CNIH3: variants seen among roughly 807,000 people sequenced by gnomAD.
CNIH3 encodes the protein protein cornichon homolog 3.
A neutral mutation model predicts 24.1 loss-of-function variants in CNIH3; 14 were observed. The observed-to-expected ratio is 0.58, with a 90% CI of 0.38 to 0.91. The LOEUF (loss-of-function observed/expected upper bound fraction) is 0.91, where lower values mean the gene tolerates loss of function less well. CNIH3 is among the 40% of genes least tolerant of loss of function. The pLI, the probability that CNIH3 is intolerant of heterozygous loss-of-function variation, is 0.00. For synonymous variants in CNIH3, 68 were observed against 73.8 expected, an observed-to-expected ratio of 0.92 and a Z score of 0.40; for missense variants, 178 against 196.8, an observed-to-expected ratio of 0.90 and a Z score of 0.57.
chr1:224,590,087 G>C (rs1681687331), downstream of CNIH3, among the ~76,000 whole-genome samples: 1 of 152,124 alleles, frequency 6.6e-6, no homozygotes, highest in African/African-American at 2.4e-5. Flanking sequence ...ATGTTGGCCA[G>C]GCTGGTCTCA....
chr1:224,456,358 G>A (rs12743200), intron 1 of CNIH3, among the ~76,000 whole-genome samples: 42,878 of 152,092 alleles, frequency 0.28, 7,492 homozygotes, highest in African/African-American at 0.49. Context: ...GTGGTCCAGG[G>A]AGCAGCCTAG....
chr1:224,527,075 G>A (rs534285263), intron 2 of CNIH3, among the ~76,000 whole-genome samples: 3 of 152,238 alleles, frequency 2.0e-5, no homozygotes, highest in East Asian at 1.9e-4. Flanking sequence ...ACAAATATCC[G>A]ACAATGTCAC....
chr1:224,671,732 C>T (rs1220717179), intron 1 of CNIH3, among the ~76,000 whole-genome samples: 1 of 152,236 alleles, frequency 6.6e-6, no homozygotes, highest in Non-Finnish European at 1.5e-5. Context: ...TCTGGCATTA[C>T]ACTTTTTAGA....
chr1:224,604,805 T>A lies in CNIH3; in HGVS notation n.402+38541T>A, dbSNP rs956321990. ...CCTGTGTTATAGCTTATACCCACATTTGGTGGTTCCTGAGCTCCTGTACTG... is the reference window on the plus strand; with the variant it reads ...CCTGTGTTATAGCTTATACCCACATATGGTGGTTCCTGAGCTCCTGTACTG... On this transcript the variant is annotated intron_variant and non_coding_transcript_variant, in intron 3 of 7. Transcript: ENST00000478120. The surrounding 1 kb of genome is among the most constrained non-coding windows in gnomAD (Gnocchi z 4.4). Among the ~76,000 whole-genome samples the A allele has an allele frequency of 3.9e-5, 6 of 152,096 alleles. No homozygotes were observed. The highest frequency in any genetic ancestry group is 1.4e-4 in the African/African-American group (6 of 41,418).
At chr1:224,623,439 C>T (rs867083697) in intron 1 of CNIH3, among the ~76,000 whole-genome samples, 13 of 152,220 alleles carry the variant, frequency 8.5e-5, no homozygotes, top group Middle Eastern at 3.4e-3. Context: ...GGGTCCCAGG[C>T]GGATGCACGG....
Position 224,704,196 on chromosome 1 carries a change from A to G in CNIH3, c.198+19353A>G, listed in dbSNP as rs576102834. ...GCATCACCTACAGAGCAGGACCTCC[A>G]TGAGTCTCAGGTCATCAAAGAGGAG... On this transcript the variant is annotated intron_variant, in intron 3 of 5. Coordinates refer to ENST00000272133, the MANE Select transcript of CNIH3 (RefSeq NM_152495.2). The surrounding 1 kb of genome is among the most constrained non-coding windows in gnomAD (Gnocchi z 4.2). Among the ~76,000 whole-genome samples, 12 of 150,846 alleles carry G rather than the reference A, an allele frequency of 8.0e-5. No homozygotes were observed. In the South Asian group the frequency reaches 1.9e-3, roughly 23 times the overall value.
intron 3 of CNIH3, among the ~76,000 whole-genome samples, chr1:224,718,064 T>G (rs1000207465): frequency 2.0e-5 from 3 of 152,036 alleles, no homozygotes; most frequent in Non-Finnish European, 4.4e-5. Context: ...GGGGGTAAAG[T>G]CATGAAAAAG....
upstream of CNIH3, among the ~76,000 whole-genome samples, chr1:224,614,975 ATAAG>A (rs1239357569): frequency 2.9e-3 from 394 of 136,834 alleles, no homozygotes; most frequent in African/African-American, 9.8e-3. Context: ...AAATAAATAA[ATAAG>A]TAAAAGATGT....
downstream of CNIH3, among the ~76,000 whole-genome samples, chr1:224,592,788 A>G (rs117559880): frequency 2.4e-3 from 370 of 152,308 alleles, 9 homozygotes; most frequent in East Asian, 0.048. Context: ...CTCAAGCTCC[A>G]CAGGTTCTGA....
At chr1:224,653,914 A>G (rs1041492444) in intron 1 of CNIH3, among the ~76,000 whole-genome samples, 1 of 152,006 alleles carries the variant, frequency 6.6e-6, no homozygotes, top group Non-Finnish European at 1.5e-5. Flanking sequence ...CCCTGTCTCT[A>G]TTAAAAAAAT....
At chr1:224,654,886 A>G (rs188487419) in intron 1 of CNIH3, among the ~76,000 whole-genome samples, 2 of 152,314 alleles carry the variant, frequency 1.3e-5, no homozygotes, top group Admixed American at 6.5e-5. Flanking sequence ...GTCCCTTTAC[A>G]TGCTGGAATA....
intron 4 of CNIH3, among the ~76,000 whole-genome samples, chr1:224,571,692 T>C (rs1341537949): frequency 1.3e-5 from 2 of 152,062 alleles, no homozygotes; most frequent in Non-Finnish European, 2.9e-5. Context: ...ACCACTGCAT[T>C]CCAGCCTTGG....
upstream of CNIH3, among the ~76,000 whole-genome samples, chr1:224,512,384 A>G (rs1425644525): frequency 6.6e-6 from 1 of 152,156 alleles, no homozygotes. Flanking sequence ...TGGGAGGCTG[A>G]GGGGGAAATC....
intron 1 of CNIH3, among the ~76,000 whole-genome samples, chr1:224,627,326 A>G (rs985914144): frequency 2.0e-5 from 3 of 151,688 alleles, no homozygotes; most frequent in Non-Finnish European, 4.4e-5. Context: ...CCCGGGTTCA[A>G]GCAATTCTCC....
intron 1 of CNIH3, among the ~76,000 whole-genome samples, chr1:224,492,467 A>T (rs1378309584): frequency 6.6e-6 from 1 of 152,246 alleles, no homozygotes; most frequent in Non-Finnish European, 1.5e-5. Flanking sequence ...GCCTAAGTAA[A>T]TAACCTACAT....
chr1:224,664,708 A>C (rs1685514817), intron 1 of CNIH3: 1 of 152,070 alleles, frequency 6.6e-6, no homozygotes. Context: ...TTCTCTTTCC[A>C]CTTCAGCTTC....
At chr1:224,690,220 A>T (rs1276367569) in intron 3 of CNIH3, among the ~76,000 whole-genome samples, 1 of 152,138 alleles carries the variant, frequency 6.6e-6, no homozygotes, top group Non-Finnish European at 1.5e-5. Flanking sequence ...TTATTTTTTG[A>T]GACAGAGTCT....
chr1:224,595,247 T>C (rs1271721558), intron 3 of CNIH3, among the ~76,000 whole-genome samples: 1 of 152,178 alleles, frequency 6.6e-6, no homozygotes. Flanking sequence ...AGTCTCACTA[T>C]GTCACCCAGG....
At position 224,688,950 on chromosome 1, in the gene CNIH3, A is replaced by G. The variant is rs866265868; in HGVS notation, c.198+4107A>G. The stretch of plus-strand genomic sequence containing the variant: ...CAAAAAAAAAAAAAAAAAGATTTGT[A>G]TTTAAAAATTGAATTTAACTCAATA... On this transcript the variant is annotated intron_variant, in intron 3 of 5. Coordinates refer to ENST00000272133, the MANE Select transcript of CNIH3 (RefSeq NM_152495.2). 1.5e-4 allele frequency among the ~76,000 whole-genome samples: 22 copies of G among 151,540 alleles called. No homozygotes were observed. In the Middle Eastern group the frequency reaches 0.01, roughly 71 times the overall value.
Sources: allele counts gnomAD v4.1 joint callset (sites outside exome capture counted in the v4.1 genomes callset), GRCh38; gene constraint gnomAD v4.1.1; non-coding constraint Gnocchi (gnomAD v3.1); transcripts MANE v1.5; gene names NCBI Gene and HGNC (gene_info 2026-07-23, HGNC 2026-07-21).